Variants in SLC1A1 observed in about 807,000 individuals in gnomAD.
The protein encoded by SLC1A1 is excitatory amino acid transporter 3.
A neutral mutation model predicts 53.3 loss-of-function variants in SLC1A1; 43 were observed. That is an observed-to-expected ratio of 0.81 (90% confidence interval 0.63 to 1.04). The LOEUF (loss-of-function observed/expected upper bound fraction) is 1.04. SLC1A1 is among the 50% of genes least tolerant of loss of function. SLC1A1 has a pLI of 0.00. For missense variants in SLC1A1, 748 were observed against 664.9 expected (o/e 1.12, Z -1.37); for synonymous variants, 307 against 243.2 (o/e 1.26, Z -2.44).
At chr9:4,502,267 G>C (rs1349105561) in intron 1 of SLC1A1, among the ~76,000 whole-genome samples, 4 of 150,620 alleles carry the variant, frequency 2.7e-5, no homozygotes, top group East Asian at 1.9e-4. Context: ...CACGCCTGTA[G>C]TCCCAGCTAC....
chr9:4,550,655 T>C (rs1236165099), intron 2 of SLC1A1, among the ~76,000 whole-genome samples: 2 of 152,196 alleles, frequency 1.3e-5, no homozygotes, highest in Non-Finnish European at 2.9e-5. Flanking sequence ...CTTCCCAAAC[T>C]GCTGTGATTA....
chr9:4,576,244 G>A (rs956127413), intron 9 of SLC1A1, 121 bp downstream of exon 9: 7 of 954,596 alleles, frequency 7.3e-6, no homozygotes, highest in African/African-American at 3.2e-5. Context: ...AATGACCTCC[G>A]TATTCTCGGC....
At position 4,585,359 on chromosome 9, in the gene SLC1A1, CG is replaced by C. The variant is rs758999450; in HGVS notation, c.1379del (p.Gly460AlafsTer23). 1.9e-6 allele frequency: 3 copies of C among 1,614,100 alleles called. No homozygotes were observed. The Admixed American group carries it at 5.0e-5, about 27-fold the overall frequency. ...AACGTCCTTGGTGATGCTTTTGGGA[CG>C]GGCATTGTGGAAAAGCTCTCCAAGA... ...MVNVLGDAFG[T>X]GIVEKLSKKE... On this transcript the variant is annotated frameshift_variant, in exon 12 of 12. Coordinates refer to ENST00000262352, the MANE Select transcript of SLC1A1 (RefSeq NM_004170.6). LOFTEE classifies it high-confidence loss of function.
intron 6 of SLC1A1, among the ~76,000 whole-genome samples, chr9:4,571,375 G>GT (rs1820028852): frequency 6.6e-6 from 1 of 152,002 alleles, no homozygotes; most frequent in Non-Finnish European, 1.5e-5. Context: ...GAATGTAAAA[G>GT]TTTTTTTAAA....
At chr9:4,515,253 A>T (rs1274038265) in intron 1 of SLC1A1, among the ~76,000 whole-genome samples, 1 of 152,136 alleles carries the variant, frequency 6.6e-6, no homozygotes, top group African/African-American at 2.4e-5. Context: ...CATTTTGTCT[A>T]TCAAGGTGAT....
At chr9:4,545,879 A>G (rs745615522) in intron 2 of SLC1A1, among the ~76,000 whole-genome samples, 1 of 152,166 alleles carries the variant, frequency 6.6e-6, no homozygotes, top group South Asian at 2.1e-4. Context: ...AGTTTCTTGT[A>G]CTTAACTCTG....
rs188201672 is a variant in SLC1A1 at position 4,574,185 on chromosome 9, G to T, written c.875+171G>T. Among the ~76,000 whole-genome samples the T allele has an allele frequency of 5.3e-5, 8 of 152,320 alleles. No homozygotes were observed. The East Asian group carries it at 1.5e-3, about 29-fold the overall frequency. ...AGGGCTGCCCTTTAACAGCTGTACT[G>T]TAGGTGGATCATGCTGTGCTAATTG... On this transcript the variant is annotated intron_variant, in intron 8 of 11. Coordinates refer to ENST00000262352, the MANE Select transcript of SLC1A1 (RefSeq NM_004170.6).
intron 1 of SLC1A1, among the ~76,000 whole-genome samples, chr9:4,533,541 C>T (rs1282013197): frequency 6.6e-6 from 1 of 152,180 alleles, no homozygotes; most frequent in African/African-American, 2.4e-5. Flanking sequence ...GCACCCAATA[C>T]AGGAGCACCC....
At position 4,554,695 on chromosome 9, in the gene SLC1A1, C is replaced by T. The variant is rs149605720; in HGVS notation, c.233-6754C>T. On this transcript the variant is annotated intron_variant, in intron 2 of 11. Transcript: ENST00000262352. The stretch of plus-strand genomic sequence containing the variant: ...GAGAGGCAGGCAGGTGCCTCCCCTG[C>T]AAGGCCTGTTGGCCAAGGTAAGGAT... 2.0e-5 allele frequency among the ~76,000 whole-genome samples: 3 copies of T among 152,310 alleles called. No homozygotes were observed. The East Asian group carries it at 5.8e-4, about 29-fold the overall frequency.
chr9:4,564,488 G>T, intron 4 of SLC1A1, 30 bp downstream of exon 4: 1 of 1,351,732 alleles, frequency 7.4e-7, no homozygotes, highest in East Asian at 2.3e-5. Flanking sequence ...GTGGCTTCAA[G>T]GGCATGCGGA....
At chr9:4,550,521 G>C (rs1420509365) in intron 2 of SLC1A1, among the ~76,000 whole-genome samples, 1 of 152,068 alleles carries the variant, frequency 6.6e-6, no homozygotes, top group Non-Finnish European at 1.5e-5. Flanking sequence ...CTTCCTAGTG[G>C]CTGGGACTAC....
intron 2 of SLC1A1, among the ~76,000 whole-genome samples, chr9:4,560,889 G>A (rs879932765): frequency 1.3e-5 from 2 of 151,996 alleles, no homozygotes; most frequent in East Asian, 1.9e-4. Context: ...CCAGCTACTC[G>A]GGAAGCTGAG....
chr9:4,561,398 G>C (rs1412238818), intron 2 of SLC1A1, 51 bp from the exon 3 acceptor site: 3 of 1,146,970 alleles, frequency 2.6e-6, no homozygotes, highest in Non-Finnish European at 4.0e-6. Flanking sequence ...CGCGGGTCCT[G>C]GAAACCTGTC....
intron 1 of SLC1A1, among the ~76,000 whole-genome samples, chr9:4,515,945 TAA>T (rs1388479625): frequency 6.6e-6 from 1 of 152,176 alleles, no homozygotes; most frequent in African/African-American, 2.4e-5. Flanking sequence ...TTCCCTGGAG[TAA>T]AAGAGTCTTT....
At position 4,556,128 on chromosome 9, in the gene SLC1A1, G is replaced by A. The variant is rs1818354286; in HGVS notation, c.233-5321G>A. On this transcript the variant is annotated intron_variant, in intron 2 of 11. Coordinates refer to ENST00000262352, the MANE Select transcript of SLC1A1 (RefSeq NM_004170.6). The surrounding 1 kb of genome is among the most constrained non-coding windows in gnomAD (Gnocchi z 4.1). ...CTCAGCCTCCTGAGTAGCTGGGATT[G>A]CAGGTGCACACCATCACACCCAGCA... Among the ~76,000 whole-genome samples the A allele has an allele frequency of 6.6e-6, 1 of 151,862 alleles. No individual in the cohort carries two copies. Among genetic ancestry groups the A allele is most frequent in the African/African-American group, 2.4e-5 (1 of 41,314 alleles).
chr9:4,538,806 T>C (rs367639393), intron 1 of SLC1A1, among the ~76,000 whole-genome samples: 7 of 152,274 alleles, frequency 4.6e-5, no homozygotes, highest in African/African-American at 1.7e-4. Flanking sequence ...GGGATACAGA[T>C]TATTACAGCC....
intron 2 of SLC1A1, among the ~76,000 whole-genome samples, chr9:4,557,542 T>C (rs1322160193): frequency 6.6e-6 from 1 of 151,860 alleles, no homozygotes; most frequent in African/African-American, 2.4e-5. Flanking sequence ...TCCTAGCAAT[T>C]TGGGAGGCCG....
chr9:4,579,507 C>A (rs1820866782), intron 10 of SLC1A1, among the ~76,000 whole-genome samples: 1 of 152,130 alleles, frequency 6.6e-6, no homozygotes, highest in Non-Finnish European at 1.5e-5. Flanking sequence ...AATCTCACTG[C>A]CAGAGGAATG....
In SLC1A1 at chr9:4,521,407, T is replaced by A. The variant is rs566416856; in HGVS notation, c.92-23160T>A. Among the ~76,000 whole-genome samples the A allele has an allele frequency of 7.2e-5, 11 of 152,268 alleles. No homozygotes were observed. The South Asian group carries it at 1.7e-3, about 23-fold the overall frequency. On this transcript the variant is annotated intron_variant, in intron 1 of 11. Transcript: ENST00000262352. Reference sequence around the variant, plus strand: ...AGGGTTTTACTGTTGAGGCCCTGCATTAATCCCCTCTGCCACCTCCAGGAA... The same window carrying A: ...AGGGTTTTACTGTTGAGGCCCTGCAATAATCCCCTCTGCCACCTCCAGGAA...
Sources: allele counts gnomAD v4.1 joint callset (sites outside exome capture counted in the v4.1 genomes callset), GRCh38; gene constraint gnomAD v4.1.1; non-coding constraint Gnocchi (gnomAD v3.1); transcripts MANE v1.5; gene names NCBI Gene and HGNC (gene_info 2026-07-23, HGNC 2026-07-21).